Variants in SPTBN5 observed in about 807,000 individuals in gnomAD.
The protein encoded by SPTBN5 is spectrin beta, non-erythrocytic 5.
SPTBN5 carries 513 observed loss-of-function variants against 477.6 expected under a neutral mutation model. The ratio of observed to expected loss-of-function variants is 1.07; its 90% confidence interval spans 1.00 to 1.16. The LOEUF is 1.16. Ranked by LOEUF, SPTBN5 falls within the 50% of genes most tolerant of loss-of-function variation. The pLI, the probability that SPTBN5 is intolerant of heterozygous loss-of-function variation, is 0.00. For synonymous variants in SPTBN5, 2,169 were observed against 2,011.7 expected (o/e 1.08, Z -2.09); for missense variants, 5,062 against 4,731.8 (o/e 1.07, Z -2.05).
chr15:41,882,237 G>GCCCCCA (rs2066987335), intron 11 of SPTBN5, 32 bp downstream of exon 11: 1 of 307,214 alleles, frequency 3.3e-6, no homozygotes, highest in Non-Finnish European at 4.5e-6. Context: ...GCCGGGCCCC[G>GCCCCCA]CCCCCACCCC....
chr15:41,881,280 G>T, intron 12 of SPTBN5, 46 bp from the exon 13 acceptor site: 2 of 1,527,498 alleles, frequency 1.3e-6, no homozygotes, highest in South Asian at 1.3e-5. Flanking sequence ...CCATCAAGCA[G>T]CAGGGGCTTT....
At chr15:41,872,102 G>A (rs1360422626) in intron 27 of SPTBN5, among the ~76,000 whole-genome samples, 185 bp from the exon 28 acceptor site, 4 of 152,260 alleles carry the variant, frequency 2.6e-5, no homozygotes, top group African/African-American at 4.8e-5. Flanking sequence ...GGGTGTGGAC[G>A]TGGGGAGATG....
chr15:41,856,962 C>A lies in SPTBN5; in HGVS notation c.8699G>T (p.Arg2900Met), dbSNP rs1377175386. Residue 2900 changes from arginine to methionine, a missense_variant, in exon 52 of 68, where the codon AGG (arginine) becomes ATG (methionine). Arg to Met is a moderately conservative substitution (Grantham distance 91). Transcript: ENST00000320955. The part of the protein sequence containing the change: ...EARSLLLKFF[R>M]DADEEMAWVQ... ...CCAGGCCATTTCCTCGTCGGCGTCC[C>A]TGAAGAACTTCAAGAGGAGGCTCCG... 1.3e-6 allele frequency: 2 copies of A among 1,596,850 alleles called. No individual in the cohort carries two copies. Among genetic ancestry groups the A allele is most frequent in the East Asian group, 2.3e-5 (1 of 44,022 alleles).
rs762624251 is a variant in SPTBN5 at position 41,871,457 on chromosome 15, C to A, written c.5365G>T (p.Ala1789Ser). 2 of 1,539,000 alleles carry A rather than the reference C, an allele frequency of 1.3e-6. No homozygotes were observed. Among genetic ancestry groups the A allele is most frequent in the South Asian group, 1.2e-5 (1 of 82,224 alleles). ...AGGCTCTCCGCCAGCAGCCGGCAGG[C>A]GGCCACCCGCTGGCTGCCCATCTCC... ...QVEMGSQRVA[A>S]CRLLAESLLE... Residue 1789 changes from alanine to serine, a missense_variant, in exon 29 of 68, where the codon GCC becomes TCC. Transcript: ENST00000320955.
chr15:41,864,688 A>C (rs1225186439), intron 39 of SPTBN5, among the ~76,000 whole-genome samples: 2 of 152,166 alleles, frequency 1.3e-5, no homozygotes, highest in African/African-American at 4.8e-5. Context: ...TGGAACAGTG[A>C]GCTCTGGCTT....
Position 41,877,106 on chromosome 15 carries a change from T to G in SPTBN5, c.3711+10A>C. ...GAGTGACAGCCTAGCTCCACATTCC[T>G]GCTCCATACCCCAAGGTTGTCCAGG... On this transcript the variant is annotated intron_variant, in intron 18 of 67. Transcript: ENST00000320955. 3.1e-6 allele frequency: 5 copies of G among 1,613,680 alleles called. No individual in the cohort carries two copies. Among genetic ancestry groups the G allele is most frequent in the Non-Finnish European group, 4.2e-6 (5 of 1,179,772 alleles).
rs1439431568 is a variant in SPTBN5 at position 41,857,622 on chromosome 15, A to G, written c.8315T>C (p.Leu2772Pro). The G allele has an allele frequency of 6.2e-7, 1 of 1,605,024 alleles. No individual in the cohort carries two copies. The highest frequency in any genetic ancestry group is 8.5e-7 in the Non-Finnish European group (1 of 1,175,964). ...CACCTTCTTCTGGGAGTTGTCTTGC[A>G]GCTCACCCCAGAGTGCTCCCAGCTC... ...LEELGALWGELQDNSQKKVAK... is the reference protein window; with the variant it reads ...LEELGALWGEPQDNSQKKVAK... Residue 2772 changes from leucine to proline, a missense_variant, in exon 50 of 68, where the codon CTG becomes CCG. Leu to Pro is a moderately conservative substitution (Grantham distance 98). Coordinates refer to ENST00000320955, the MANE Select transcript of SPTBN5 (RefSeq NM_016642.4).
intron 6 of SPTBN5, 60 bp downstream of exon 6, chr15:41,887,153 A>T: frequency 6.8e-7 from 1 of 1,473,912 alleles, no homozygotes; most frequent in Non-Finnish European, 9.3e-7. Context: ...GGCAGGCTTC[A>T]CGCTTAGGCC....
chr15:41,859,183 G>A (rs1358065458), intron 47 of SPTBN5, among the ~76,000 whole-genome samples: 3 of 151,652 alleles, frequency 2.0e-5, no homozygotes, highest in Non-Finnish European at 4.4e-5. Flanking sequence ...TTTTGAGACA[G>A]AGTCTCACTC....
At position 41,858,626 on chromosome 15, in the gene SPTBN5, C is replaced by T; in HGVS notation, c.8202G>A (p.Met2734Ile). 6.2e-7 allele frequency: 1 copy of T among 1,611,406 alleles called. No homozygotes were observed. Among genetic ancestry groups the T allele is most frequent in the Non-Finnish European group, 8.5e-7 (1 of 1,179,458 alleles). Residue 2734 changes from methionine to isoleucine, a missense_variant, in exon 49 of 68, where the codon ATG (methionine) becomes ATA (isoleucine). Met to Ile is a conservative substitution (Grantham distance 10, BLOSUM62 1). Transcript: ENST00000320955. ...CCCGCTGCAGCTCCTGCTGTTGGTG[C>T]ATGCTCGCGTCCAGCTCCGCCTGGA... The part of the protein sequence containing the change: ...QNFQAELDAS[M>I]HQQQELQREG...
intron 4 of SPTBN5, among the ~76,000 whole-genome samples, chr15:41,889,061 G>C (rs957964463): frequency 1.3e-5 from 2 of 152,214 alleles, no homozygotes; most frequent in East Asian, 1.9e-4. Context: ...AGACAGAGAC[G>C]GTGCTGGTCA....
Position 41,854,112 on chromosome 15 carries a change from C to A in SPTBN5, c.9712G>T (p.Glu3238Ter). 1 of 1,587,506 alleles carries A rather than the reference C, an allele frequency of 6.3e-7. No homozygotes were observed. Among genetic ancestry groups the A allele is most frequent in the Non-Finnish European group, 8.6e-7 (1 of 1,167,842 alleles). The stretch of plus-strand genomic sequence containing the variant: ...GATGACAGGCTGTGGCCTCCGTCCT[C>A]CCCCTTCATCAGGGCCGTCTTCTCC... Reference protein sequence around the residue: ...MQEKTALMKGEDGGHSLSSVR... With the variant: ...MQEKTALMKG Residue 3238 changes from glutamate to a stop codon, truncating the protein, a stop_gained, in exon 57 of 68, where the codon GAG (glutamate) becomes TAG (stop). Transcript: ENST00000320955. LOFTEE classifies it high-confidence loss of function.
Position 41,885,830 on chromosome 15 carries a change from GCCAGCCTCCAGCATGC to G in SPTBN5, c.1409_1424del (p.Gly470AlafsTer62). 6.4e-7 allele frequency: 1 copy of G among 1,559,774 alleles called. No individual in the cohort carries two copies. Among genetic ancestry groups the G allele is most frequent in the Non-Finnish European group, 8.7e-7 (1 of 1,152,288 alleles). ...GGAAGCGCCCCTCCTGGGGCAGGAT[GCCAGCCTCCAGCATGC>G]CCAGCCTCTGGACGGCTGCCTCCAC... On this transcript the variant is annotated frameshift_variant, in exon 7 of 68. Coordinates refer to ENST00000320955, the MANE Select transcript of SPTBN5 (RefSeq NM_016642.4). LOFTEE classifies it high-confidence loss of function.
intron 39 of SPTBN5, among the ~76,000 whole-genome samples, chr15:41,864,400 A>G (rs2066226980): frequency 6.6e-6 from 1 of 151,732 alleles, no homozygotes; most frequent in Non-Finnish European, 1.5e-5. Context: ...TGCAACCTCT[A>G]CCTCCCTGGT....
rs2067379725 is a variant in SPTBN5 at position 41,893,510 on chromosome 15, C to T, written c.-13G>A. 1 of 1,560,038 alleles carries T rather than the reference C, an allele frequency of 6.4e-7. No individual in the cohort carries two copies. The highest frequency in any genetic ancestry group is 8.6e-7 in the Non-Finnish European group (1 of 1,157,652). ...GCTGACCAGCCATCAGCCCTGCAGA[C>T]TTTGGGGATGAGGAGCTGCTGGATG... On this transcript the variant is annotated 5_prime_UTR_variant, in exon 2 of 68. Coordinates refer to ENST00000320955, the MANE Select transcript of SPTBN5 (RefSeq NM_016642.4).
At chr15:41,876,427 G>T in intron 20 of SPTBN5, 121 bp downstream of exon 20, 1 of 1,331,658 alleles carries the variant, frequency 7.5e-7, no homozygotes, top group Non-Finnish European at 1.0e-6. Flanking sequence ...CTCACAGAAG[G>T]TGTTGAGAGG....
intron 62 of SPTBN5, 136 bp downstream of exon 62, chr15:41,852,046 A>G: frequency 9.0e-7 from 1 of 1,116,308 alleles, no homozygotes; most frequent in East Asian, 2.5e-5. Context: ...CTTTATTCCT[A>G]ATGACCTTCA....
chr15:41,882,039 C>T lies in SPTBN5; in HGVS notation c.2354G>A (p.Arg785Lys), dbSNP rs1470530784. 1 of 1,553,316 alleles carries T rather than the reference C, an allele frequency of 6.4e-7. No individual in the cohort carries two copies. The change falls in exon 12 of 68, where the codon AGG (arginine) becomes AAG (lysine). Residue 785 changes from arginine (R) to lysine (K), a missense_variant. Arg to Lys is a conservative substitution (Grantham distance 26). Transcript: ENST00000320955. Reference protein sequence around the residue: ...QDQAAAETLLRRHVRLERVLR... With the variant: ...QDQAAAETLLKRHVRLERVLR... ...GACGCGCTCCAGCCGCACGTGGCGC[C>T]TCAGCAGGGTCTCGGCGGCCGCCTG...
Position 41,879,759 on chromosome 15 carries a change from G to A in SPTBN5, c.2917C>T (p.Arg973Ter), listed in dbSNP as rs761546912. The A allele has an allele frequency of 3.5e-5, 57 of 1,613,818 alleles. 1 individual carries two copies. The highest frequency in any genetic ancestry group is 2.0e-4 in the African/African-American group (15 of 74,914). ...CTCTGGCTCAGTTCCTCCTGCTGTCGTTGGATTTGTGTGGAGTTCCCAGGA... is the reference window on the plus strand; with the variant it reads ...CTCTGGCTCAGTTCCTCCTGCTGTCATTGGATTTGTGTGGAGTTCCCAGGA... ...RYPGNSTQIQRQQEELSQRWG... is the reference protein window; with the variant it reads ...RYPGNSTQIQ The change falls in exon 15 of 68, where the codon CGA becomes TGA. Residue 973 changes from arginine to a stop codon, truncating the protein, a stop_gained. Coordinates refer to ENST00000320955, the MANE Select transcript of SPTBN5 (RefSeq NM_016642.4). LOFTEE classifies it high-confidence loss of function.
Sources: allele counts gnomAD v4.1 joint callset (sites outside exome capture counted in the v4.1 genomes callset), GRCh38; gene constraint gnomAD v4.1.1; transcripts MANE v1.5; gene names NCBI Gene and HGNC (gene_info 2026-07-23, HGNC 2026-07-21).